ABCC6: variants seen among roughly 807,000 people sequenced by gnomAD.
ABCC6 encodes the protein ATP-binding cassette sub-family C member 6.
Under a neutral mutation model 169.5 loss-of-function variants are expected in ABCC6, and 126 were observed. That is an observed-to-expected ratio of 0.74 (90% CI 0.64 to 0.86). The LOEUF is 0.86. Ranked by LOEUF, ABCC6 falls within the 40% of genes least tolerant of loss-of-function variation. The pLI is 0.00. For missense variants in ABCC6, 1,733 were observed against 1,927.2 expected, an observed-to-expected ratio of 0.90 and a Z score of 1.89; for synonymous variants, 752 against 814.7, an observed-to-expected ratio of 0.92 and a Z score of 1.31.
intron 10 of ABCC6, among the ~76,000 whole-genome samples, chr16:16,196,250 T>C (rs1209826723): frequency 6.7e-6 from 1 of 150,046 alleles, no homozygotes; most frequent in Non-Finnish European, 1.5e-5. Flanking sequence ...TTTCACGACA[T>C]ATGAAAATGA....
chr16:16,219,446 G>A (rs1466771616), intron 4 of ABCC6, 108 bp downstream of exon 4: 10 of 642,346 alleles, frequency 1.6e-5, no homozygotes, highest in Admixed American at 2.8e-5. Context: ...GCTTGTGTGT[G>A]TCACTGTATA....
rs150230403 is a variant in ABCC6 at position 16,150,707 on chromosome 16, A to G, written c.4274T>C (p.Leu1425Pro). The G allele has an allele frequency of 1.4e-5, 23 of 1,613,980 alleles. No individual in the cohort carries two copies. Among genetic ancestry groups the G allele is most frequent in the Non-Finnish European group, 1.9e-5 (22 of 1,179,992 alleles). ...GTCCACGGCAGCAGTAGCCTCGTCC[A>G]GGATGAGGATCTGGGTCTTCCGGAG... The part of the protein sequence containing the change: ...ALLRKTQILI[L>P]DEATAAVDPG... Residue 1425 changes from leucine (L) to proline (P), a missense_variant, in exon 30 of 31, where the codon CTG becomes CCG. Leu to Pro is a moderately conservative substitution (Grantham distance 98). This residue lies in a region of ABCC6 where 1,601 missense variants were observed against 1,635.5 expected (regional missense o/e 0.98). Transcript: ENST00000205557.
chr16:16,181,352 A>G (rs1320489245), intron 17 of ABCC6, among the ~76,000 whole-genome samples: 1 of 63,378 alleles, frequency 1.6e-5, no homozygotes, highest in African/African-American at 4.8e-5. Flanking sequence ...CAGAAAAAAA[A>G]AAAAAAAAAA....
At chr16:16,202,282 C>T (rs967897095) in intron 8 of ABCC6, 104 bp from the exon 9 acceptor site, 3 of 1,322,272 alleles carry the variant, frequency 2.3e-6, no homozygotes, top group Admixed American at 2.0e-5. Context: ...TCGGCCCAAA[C>T]TAGTCCAGGT....
Position 16,178,658 on chromosome 16 carries a change from C to T in ABCC6, c.2415+140G>A. ...GGGGTTGTTTGTTACATAGCATTGTCACAGCAAAAGCTGACCAATACAAAG... is the reference window on the plus strand; with the variant it reads ...GGGGTTGTTTGTTACATAGCATTGTTACAGCAAAAGCTGACCAATACAAAG... On this transcript the variant is annotated intron_variant, in intron 18 of 30. Transcript: ENST00000205557. The T allele has an allele frequency of 5.1e-6, 5 of 983,704 alleles. No homozygotes were observed. The South Asian group carries it at 6.4e-5, about 13-fold the overall frequency. The allele number at this position is 983,704 out of a possible 1,614,324, so 60.9% of individuals were successfully genotyped here.
In ABCC6 at chr16:16,192,912, G is replaced by A. The variant is rs750898196; in HGVS notation, c.1349C>T (p.Pro450Leu). 1.9e-5 allele frequency: 30 copies of A among 1,613,992 alleles called. No individual in the cohort carries two copies. The highest frequency in any genetic ancestry group is 4.2e-6 in the Non-Finnish European group (5 of 1,180,002). The change falls in exon 11 of 31, where the codon CCC becomes CTC. Residue 450 changes from proline to leucine, a missense_variant. This residue lies in a region of ABCC6 where 1,601 missense variants were observed against 1,635.5 expected (regional missense o/e 0.98). Coordinates refer to ENST00000205557, the MANE Select transcript of ABCC6 (RefSeq NM_001171.6). ...GACAGCGATGGCAGTGAGGGCGGAG[G>A]GCCCCAGGAGCTGGGGATAGAAGGG... ...CFVYLWQLLGPSALTAIAVFL... is the reference protein window; with the variant it reads ...CFVYLWQLLGLSALTAIAVFL...
rs1218312833 is a variant in ABCC6, at chr16:16,163,085, C to G, written c.3414G>C (p.Arg1138=). ...CAAAGGGGGCCTGGGTTCGGAATGCCCGGACCACTGTGCTGCCCTGGAACG... is the reference window on the plus strand; with the variant it reads ...CAAAGGGGGCCTGGGTTCGGAATGCGCGGACCACTGTGCTGCCCTGGAACG... ...AETFQGSTVV[R]AFRTQAPFVA... The change falls in exon 24 of 31, where the codon CGG becomes CGC. Residue 1138 remains arginine, a synonymous_variant. Coordinates refer to ENST00000205557, the MANE Select transcript of ABCC6 (RefSeq NM_001171.6). 6 of 1,613,766 alleles carry G rather than the reference C, an allele frequency of 3.7e-6. No individual in the cohort carries two copies. In the Middle Eastern group the frequency reaches 4.9e-4, roughly 133 times the overall value.
chr16:16,181,344 GAAA>G (rs749040729), intron 17 of ABCC6, among the ~76,000 whole-genome samples: 10 of 78,424 alleles, frequency 1.3e-4, no homozygotes, highest in African/African-American at 3.8e-4. Flanking sequence ...CTCCGTCTCA[GAAA>G]AAAAAAAAAA....
chr16:16,219,273 G>T (rs2048994325), intron 4 of ABCC6, among the ~76,000 whole-genome samples: 1 of 151,170 alleles, frequency 6.6e-6, no homozygotes, highest in South Asian at 2.1e-4. Flanking sequence ...GCATGTACTT[G>T]TGCGATGTAT....
chr16:16,171,375 C>T lies in ABCC6; in HGVS notation c.2788-1522G>A, dbSNP rs115711555. Among the ~76,000 whole-genome samples, 378 of 152,280 alleles carry T rather than the reference C, an allele frequency of 2.5e-3. 2 individuals carry two copies. Among genetic ancestry groups the T allele is most frequent in the African/African-American group, 7.5e-3 (313 of 41,568 alleles). Reference sequence around the variant, plus strand: ...TTGGGATTACAGGCATGAGCCACTGCGCCTGATCATTCTTATTTTCTTTAT... The same window carrying T: ...TTGGGATTACAGGCATGAGCCACTGTGCCTGATCATTCTTATTTTCTTTAT... On this transcript the variant is annotated intron_variant, in intron 21 of 30. Transcript: ENST00000205557.
chr16:16,206,924 G>GT (rs1429419292), intron 7 of ABCC6, among the ~76,000 whole-genome samples: 5 of 152,142 alleles, frequency 3.3e-5, no homozygotes, highest in African/African-American at 1.2e-4. Flanking sequence ...ATCCCCTGAG[G>GT]TCAGGAGTTC....
chr16:16,158,667 C>T (rs797013518), intron 26 of ABCC6, among the ~76,000 whole-genome samples: 10 of 152,158 alleles, frequency 6.6e-5, no homozygotes, highest in African/African-American at 2.2e-4. Context: ...CCTTATAATG[C>T]TACTGTTATG....
At chr16:16,166,183 G>C (rs900985211) in intron 22 of ABCC6, among the ~76,000 whole-genome samples, 2 of 152,146 alleles carry the variant, frequency 1.3e-5, no homozygotes, top group African/African-American at 4.8e-5. Flanking sequence ...CCGAGTAGCT[G>C]GGACCACAGG....
chr16:16,181,344 G>GAAA (rs749040729), intron 17 of ABCC6, among the ~76,000 whole-genome samples: 2 of 78,438 alleles, frequency 2.5e-5, no homozygotes, highest in African/African-American at 9.5e-5. Context: ...CTCCGTCTCA[G>GAAA]AAAAAAAAAA....
At chr16:16,202,856 G>A (rs1019402175) in intron 8 of ABCC6, among the ~76,000 whole-genome samples, 29 of 152,200 alleles carry the variant, frequency 1.9e-4, no homozygotes, top group Non-Finnish European at 3.7e-4. Context: ...ACCGGCTTTG[G>A]CCAACAGAGT....
intron 29 of ABCC6, among the ~76,000 whole-genome samples, chr16:16,154,252 T>G (rs2046470753): frequency 1.3e-5 from 2 of 151,942 alleles, no homozygotes; most frequent in African/African-American, 4.8e-5. Context: ...CAGTCCACAC[T>G]TGACATTTAC....
chr16:16,192,753 C>G (rs948548440), intron 11 of ABCC6, 77 bp downstream of exon 11: 3 of 1,383,682 alleles, frequency 2.2e-6, no homozygotes, highest in Non-Finnish European at 3.1e-6. Context: ...CAGCTCTCCC[C>G]TCCGCATCTC....
At chr16:16,188,245 A>T (rs2152267870) in intron 13 of ABCC6, among the ~76,000 whole-genome samples, 1 of 142,918 alleles carries the variant, frequency 7.0e-6, no homozygotes, top group Admixed American at 7.1e-5. Flanking sequence ...AAAAAAAATT[A>T]GCTGGGCATG....
In ABCC6 at chr16:16,190,194, C is replaced by T. The variant is rs778251096; in HGVS notation, c.1605G>A (p.Ser535=). The change falls in exon 12 of 31, where the codon TCG becomes TCA. Residue 535 remains serine, a synonymous_variant. Coordinates refer to ENST00000205557, the MANE Select transcript of ABCC6 (RefSeq NM_001171.6). ...ATGTAGACACTTGGAAGGACACCAG[C>T]GACACAGAGAAGAGGAGGCCGGAGG... ...LRTSGLLFSV[S]LVSFQVSTFL... is the part of the protein sequence containing the mutation. 5.0e-6 allele frequency: 8 copies of T among 1,613,848 alleles called. No individual in the cohort carries two copies. The highest frequency in any genetic ancestry group is 4.5e-5 in the East Asian group (2 of 44,886).
Sources: gnomAD v4.1 joint callset for allele counts (sites outside exome capture counted in the v4.1 genomes callset) on GRCh38, gnomAD v4.1.1 for gene constraint, gnomAD v4.1.1 regional missense constraint, MANE v1.5 for transcripts, NCBI Gene and HGNC (gene_info 2026-07-23, HGNC 2026-07-21) for gene names.